RAPGEF5: variants seen among roughly 807,000 people sequenced by gnomAD.
The protein encoded by RAPGEF5 is Rap guanine nucleotide exchange factor 5.
A neutral mutation model predicts 125.2 loss-of-function variants in RAPGEF5; 65 were observed. The observed-to-expected ratio is 0.52, with a 90% confidence interval of 0.43 to 0.64. RAPGEF5 has a LOEUF of 0.64. Ranked by LOEUF, RAPGEF5 falls within the 30% of genes least tolerant of loss-of-function variation. The probability of loss-of-function intolerance (pLI) is 0.00; values close to 1 mark genes in which losing one functional copy is unlikely to be tolerated. For synonymous variants in RAPGEF5, 391 were observed against 385.9 expected (o/e 1.01, Z -0.16); for missense variants, 958 against 1,048.1 (o/e 0.91, Z 1.19).
At chr7:22,270,685 T>C (rs910499293) in intron 6 of RAPGEF5, among the ~76,000 whole-genome samples, 4 of 152,250 alleles carry the variant, frequency 2.6e-5, no homozygotes, top group African/African-American at 9.6e-5. Flanking sequence ...AACCCTTCCC[T>C]ACTATAATCC....
chr7:22,263,446 G>A (rs1782205422), intron 7 of RAPGEF5, among the ~76,000 whole-genome samples: 1 of 151,938 alleles, frequency 6.6e-6, no homozygotes, highest in African/African-American at 2.4e-5. Flanking sequence ...TAAAAATTTG[G>A]TGGCTGGGTG....
intron 9 of RAPGEF5, among the ~76,000 whole-genome samples, chr7:22,214,764 C>T (rs1219548825): frequency 5.5e-5 from 8 of 146,658 alleles, no homozygotes; most frequent in Admixed American, 1.4e-4. Context: ...TGCCCTCTTT[C>T]GAAGGACTGC....
At chr7:22,336,631 A>C (rs753461900) in intron 1 of RAPGEF5, among the ~76,000 whole-genome samples, 13 of 152,114 alleles carry the variant, frequency 8.5e-5, no homozygotes, top group Non-Finnish European at 1.5e-4. Context: ...GTGCACTGAG[A>C]GGAGTGTGCA....
At chr7:22,317,405 T>C (rs985958399) in intron 2 of RAPGEF5, among the ~76,000 whole-genome samples, 1 of 151,978 alleles carries the variant, frequency 6.6e-6, no homozygotes, top group Non-Finnish European at 1.5e-5. Context: ...CACGCCCGGC[T>C]AATTTTTTGT....
chr7:22,306,182 C>G (rs762123655), intron 5 of RAPGEF5, among the ~76,000 whole-genome samples: 1 of 152,198 alleles, frequency 6.6e-6, no homozygotes, highest in Non-Finnish European at 1.5e-5. Context: ...TACAAGGGTT[C>G]CCTTTTCTCT....
chr7:22,298,764 G>T (rs1481467291), intron 5 of RAPGEF5: 1 of 152,118 alleles, frequency 6.6e-6, no homozygotes, highest in Non-Finnish European at 1.5e-5. Flanking sequence ...TGTTTGAAGG[G>T]CATCAACTAC....
intron 1 of RAPGEF5, among the ~76,000 whole-genome samples, chr7:22,337,666 T>TA (rs759948485): frequency 2.6e-5 from 4 of 151,624 alleles, no homozygotes; most frequent in Non-Finnish European, 4.4e-5. Flanking sequence ...CAAGGCAAGA[T>TA]AGAGTTGGTT....
At chr7:22,317,037 C>T (rs1290207345) in intron 2 of RAPGEF5, among the ~76,000 whole-genome samples, 1 of 150,260 alleles carries the variant, frequency 6.7e-6, no homozygotes, top group East Asian at 2.0e-4. Context: ...ACCGAGGAAG[C>T]GGTGTGAGTA....
At chr7:22,203,760 C>T (rs1349242720) in intron 9 of RAPGEF5, among the ~76,000 whole-genome samples, 1 of 152,180 alleles carries the variant, frequency 6.6e-6, no homozygotes. Context: ...TGGACCAGGG[C>T]TCCTCAGCAG....
intron 6 of RAPGEF5, among the ~76,000 whole-genome samples, chr7:22,272,428 AG>A (rs150699560): frequency 0.15 from 22,920 of 151,564 alleles, 1,767 homozygotes; most frequent in South Asian, 0.23. Flanking sequence ...ATATTAGCAA[AG>A]GTCTTAGTTA....
intron 7 of RAPGEF5, among the ~76,000 whole-genome samples, chr7:22,264,384 T>G (rs1035288723): frequency 6.6e-6 from 1 of 152,214 alleles, no homozygotes; most frequent in African/African-American, 2.4e-5. Context: ...CCAAACTCCA[T>G]TGATCAAATA....
intron 7 of RAPGEF5, among the ~76,000 whole-genome samples, chr7:22,231,748 T>A (rs1394643555): frequency 6.6e-6 from 1 of 152,178 alleles, no homozygotes; most frequent in Non-Finnish European, 1.5e-5. Context: ...GATAACTTAT[T>A]CTTCTGTTTT....
At position 22,356,972 on chromosome 7, in the gene RAPGEF5, C is replaced by A; in HGVS notation, c.89G>T (p.Gly30Val). 1 of 1,030,308 alleles carries A rather than the reference C, an allele frequency of 9.7e-7. No homozygotes were observed. The highest frequency in any genetic ancestry group is 8.9e-5 in the East Asian group (1 of 11,240). 63.8% of individuals were successfully genotyped at this position (1,030,308 alleles called of 1,614,324 possible). Residue 30 changes from glycine (G) to valine (V), a missense_variant, in exon 1 of 26, where the codon GGC becomes GTC. Transcript: ENST00000665637. ...AAAAAVVAAD[G>V]PLRRSPSARE... is the part of the protein sequence containing the mutation. ...GGCGCTGGGGCTGCGGCGCAGGGGG[C>A]CGTCTGCCGCCACCACCGCCGCCGC...
intron 7 of RAPGEF5, among the ~76,000 whole-genome samples, chr7:22,254,234 C>G (rs1234681567): frequency 6.6e-6 from 1 of 150,974 alleles, no homozygotes; most frequent in Non-Finnish European, 1.5e-5. Flanking sequence ...CTAAGTTTTC[C>G]AAAATCGTGT....
Position 22,156,930 on chromosome 7 carries a change from T to C in RAPGEF5, c.1558-42A>G, listed in dbSNP as rs766616616. On this transcript the variant is annotated intron_variant, in intron 15 of 25. Transcript: ENST00000665637. ...AGAGAACAATGAATGAATACATTCC[T>C]GCCCTTTGGAAAACCATAGCTGTTT... The C allele has an allele frequency of 3.1e-6, 5 of 1,610,922 alleles. No individual in the cohort carries two copies. The Admixed American group carries it at 5.0e-5, about 16-fold the overall frequency.
chr7:22,220,046 G>C (rs1396401413), intron 8 of RAPGEF5, 55 bp from the exon 9 acceptor site: 1 of 1,588,532 alleles, frequency 6.3e-7, no homozygotes, highest in Non-Finnish European at 8.6e-7. Flanking sequence ...CCCAGGACAT[G>C]ACACCACCGC....
At chr7:22,275,695 GCATGTTCTCTTTGGAGAC>G (rs1782539155) in intron 6 of RAPGEF5, among the ~76,000 whole-genome samples, 1 of 148,432 alleles carries the variant, frequency 6.7e-6, no homozygotes, top group Non-Finnish European at 1.5e-5. Context: ...AAGAGAACAA[GCATGTTCTCTTTGGAGAC>G]CATGGGGGTT....
At chr7:22,145,407 T>TA in intron 19 of RAPGEF5, 185 bp from the exon 20 acceptor site, 1 of 522,008 alleles carries the variant, frequency 1.9e-6, no homozygotes. Flanking sequence ...CCTCATTCAA[T>TA]AATGTTCACC....
In RAPGEF5 at chr7:22,291,258, GAAC is replaced by G; in HGVS notation, c.681-20_681-18del. ...TGATGAGACCTAAAAAAAAAAAAAA[GAAC>G]AAATTACTTTTCAGTTTTAGTTGCT... On this transcript the variant is annotated intron_variant, in intron 5 of 25. Transcript: ENST00000665637. The G allele has an allele frequency of 2.7e-6, 4 of 1,477,494 alleles. No homozygotes were observed. In the South Asian group the frequency reaches 4.0e-5, roughly 15 times the overall value. The allele number at this position is 1,477,494 out of a possible 1,614,324, so 91.5% of individuals were successfully genotyped here. A position where few individuals can be genotyped will look rare whatever the true frequency, so the allele number is the denominator to read the frequency against.
Sources: allele counts gnomAD v4.1 joint callset (sites outside exome capture counted in the v4.1 genomes callset), GRCh38; gene constraint gnomAD v4.1.1; transcripts MANE v1.5; gene names NCBI Gene and HGNC (gene_info 2026-07-23, HGNC 2026-07-21).